The following ABHD2 variants were observed in gnomAD, a reference collection of about 807,000 sequenced individuals.
ABHD2 encodes the protein monoacylglycerol lipase ABHD2.
ABHD2 carries 20 observed loss-of-function variants against 48.1 expected under a neutral mutation model. The observed-to-expected ratio is 0.42, with a 90% CI of 0.29 to 0.60. ABHD2 has a LOEUF of 0.60. ABHD2 is among the 20% of genes least tolerant of loss of function. The pLI, the probability that ABHD2 is intolerant of heterozygous loss-of-function variation, is 0.24. For missense variants in ABHD2, 405 were observed against 550.9 expected (o/e 0.74, Z 2.65); for synonymous variants, 209 against 214.2 (o/e 0.98, Z 0.21).
Position 89,120,118 on chromosome 15 carries a change from G to A in ABHD2, c.194+3597G>A, listed in dbSNP as rs149129392. 5.3e-4 allele frequency among the ~76,000 whole-genome samples: 80 copies of A among 152,300 alleles called. No homozygotes were observed. Among genetic ancestry groups the A allele is most frequent in the African/African-American group, 1.9e-3 (77 of 41,566 alleles). On this transcript the variant is annotated intron_variant, in intron 3 of 10. Coordinates refer to ENST00000352732, the MANE Select transcript of ABHD2 (RefSeq NM_152924.5). This position sits in a 1 kb window ranked among gnomAD's most constrained non-coding sequence, Gnocchi z 4.2. Reference sequence around the variant, plus strand: ...AAAGGTGAACATCGAAAGCATGCTCGAGGAGCAGGGATTACTGTTTTCCCC... The same window carrying A: ...AAAGGTGAACATCGAAAGCATGCTCAAGGAGCAGGGATTACTGTTTTCCCC...
At chr15:89,085,449 C>A (rs147002600), upstream of ABHD2, among the ~76,000 whole-genome samples, 8 of 151,976 alleles carry the variant, frequency 5.3e-5, 1 homozygote, top group East Asian at 1.5e-3. This position sits in a 1 kb window ranked among gnomAD's most constrained non-coding sequence, Gnocchi z 4.2. Context: ...AGACTGCAAG[C>A]AGAAGGGAGG....
chr15:89,069,122 C>T, the ABHD2 span, among the ~76,000 whole-genome samples: 4 of 124,898 alleles, frequency 3.2e-5, no homozygotes, highest in Non-Finnish European at 4.8e-5. Context: ...CTTTTCTTTT[C>T]TTTTTTTTTT....
At position 89,197,926 on chromosome 15, in the gene ABHD2, C is replaced by T. The variant is rs953728455; in HGVS notation, c.*2503C>T. ...TTTGTTCAAGCTTCAGGCTCTTAGG[C>T]ATGGAAATGAGAATGTGACTGTGGC... On this transcript the variant is annotated 3_prime_UTR_variant, in exon 11 of 11. Transcript: ENST00000352732. This position sits in a 1 kb window ranked among gnomAD's most constrained non-coding sequence, Gnocchi z 4.4. 6.6e-6 allele frequency: 1 copy of T among 152,208 alleles called. No homozygotes were observed. Among genetic ancestry groups the T allele is most frequent in the African/African-American group, 2.4e-5 (1 of 41,438 alleles). The allele number at this position is 152,208 out of a possible 1,614,324, so 9.4% of individuals were successfully genotyped here. A position where few individuals can be genotyped will look rare whatever the true frequency, so the allele number is the denominator to read the frequency against.
chr15:89,103,970 A>G (rs982996114), intron 1 of ABHD2: 2 of 152,234 alleles, frequency 1.3e-5, no homozygotes, highest in South Asian at 4.1e-4. Flanking sequence ...ACTTGGTCAC[A>G]GAGGAATCCA....
intron 3 of ABHD2, among the ~76,000 whole-genome samples, chr15:89,128,689 T>G (rs752031656): frequency 6.6e-5 from 10 of 152,152 alleles, no homozygotes; most frequent in South Asian, 2.1e-4. Context: ...ACTGGTCTGG[T>G]CTCTATAGTT....
At chr15:89,150,277 A>G (rs888898143) in intron 3 of ABHD2, among the ~76,000 whole-genome samples, 2 of 152,224 alleles carry the variant, frequency 1.3e-5, no homozygotes, top group Non-Finnish European at 2.9e-5. Context: ...CTCTTCCTCT[A>G]TGCAAAACTT....
Position 89,161,457 on chromosome 15 carries a change from A to G in ABHD2, c.538+5923A>G, listed in dbSNP as rs542940384. Among the ~76,000 whole-genome samples, 4 of 152,152 alleles carry G rather than the reference A, an allele frequency of 2.6e-5. No homozygotes were observed. The South Asian group carries it at 8.3e-4, about 32-fold the overall frequency. ...ACTCTGTTGCCGAGGCTGGAGTGCAATGGTGCAATCTCAGCTCACTGCAAC... is the reference window on the plus strand; with the variant it reads ...ACTCTGTTGCCGAGGCTGGAGTGCAGTGGTGCAATCTCAGCTCACTGCAAC... On this transcript the variant is annotated intron_variant, in intron 5 of 10. Coordinates refer to ENST00000352732, the MANE Select transcript of ABHD2 (RefSeq NM_152924.5).
intron 3 of ABHD2, among the ~76,000 whole-genome samples, chr15:89,127,404 G>T (rs973554246): frequency 7.9e-5 from 12 of 152,034 alleles, no homozygotes; most frequent in Non-Finnish European, 1.6e-4. Flanking sequence ...GGAAGGGAGA[G>T]ATTTGTGAGA....
Position 89,186,372 on chromosome 15 carries a change from C to T in ABHD2, c.815+856C>T, listed in dbSNP as rs966469167. Among the ~76,000 whole-genome samples the T allele has an allele frequency of 6.6e-6, 1 of 152,172 alleles. No homozygotes were observed. Among genetic ancestry groups the T allele is most frequent in the Admixed American group, 6.5e-5 (1 of 15,276 alleles). On this transcript the variant is annotated intron_variant, in intron 7 of 10. Transcript: ENST00000352732. This position sits in a 1 kb window ranked among gnomAD's most constrained non-coding sequence, Gnocchi z 4.3. ...AGCACCAGATAAATATTAGCAATGA[C>T]TTTTTCATTATGATTATTATTATTG...
the ABHD2 span, among the ~76,000 whole-genome samples, chr15:89,052,550 G>C: frequency 0.55 from 58,315 of 106,800 alleles, 12,019 homozygotes; most frequent in African/African-American, 0.61. Context: ...CAGACAGACA[G>C]ACAGACAGAC....
chr15:89,163,453 C>T lies in ABHD2; in HGVS notation c.538+7919C>T, dbSNP rs141972941. Among the ~76,000 whole-genome samples the T allele has an allele frequency of 6.6e-5, 10 of 152,328 alleles. No individual in the cohort carries two copies. The East Asian group carries it at 1.7e-3, about 26-fold the overall frequency. On this transcript the variant is annotated intron_variant, in intron 5 of 10. Transcript: ENST00000352732. ...AATGAGTGCCAGGCATGTGCTTTCA[C>T]GTTACTTCACTTGATCCTTACTGCC... is the stretch of plus-strand genomic sequence containing the variant.
At chr15:89,058,380 T>A in the ABHD2 span, among the ~76,000 whole-genome samples, 1 of 152,154 alleles carries the variant, frequency 6.6e-6, no homozygotes, top group Non-Finnish European at 1.5e-5. Context: ...ACACAGGTAG[T>A]GAGGTCCACT....
In ABHD2 at chr15:89,167,091, G is replaced by T. The variant is rs1349283589; in HGVS notation, c.539-8721G>T. ...TTACCTACCTTTAGCATGCTGTAGAGATCACCCATGATCCAAGACATCTCA... is the reference window on the plus strand; with the variant it reads ...TTACCTACCTTTAGCATGCTGTAGATATCACCCATGATCCAAGACATCTCA... On this transcript the variant is annotated intron_variant, in intron 5 of 10. Transcript: ENST00000352732. The surrounding 1 kb of genome is among the most constrained non-coding windows in gnomAD (Gnocchi z 5.5). Among the ~76,000 whole-genome samples, 1 of 152,206 alleles carries T rather than the reference G, an allele frequency of 6.6e-6. No individual in the cohort carries two copies. The highest frequency in any genetic ancestry group is 1.5e-5 in the Non-Finnish European group (1 of 68,042).
intron 5 of ABHD2, among the ~76,000 whole-genome samples, chr15:89,159,821 C>A (rs1176592721): frequency 1.3e-5 from 2 of 149,122 alleles, no homozygotes; most frequent in East Asian, 3.9e-4. Flanking sequence ...AAGTAAATTT[C>A]TGTAGTTTAT....
At chr15:89,057,125 G>A in the ABHD2 span, among the ~76,000 whole-genome samples, 2 of 152,062 alleles carry the variant, frequency 1.3e-5, no homozygotes, top group Non-Finnish European at 2.9e-5. Context: ...GTGTTAGCAG[G>A]CTGGTCTTGA....
chr15:89,195,741 C>T lies in ABHD2; in HGVS notation c.*318C>T, dbSNP rs1203929406. ...TCTAGTTTCCCTATTAAAAATGTGT[C>T]TGAATAGCGATTTTGCTTTGCCACC... is the stretch of plus-strand genomic sequence containing the variant. On this transcript the variant is annotated 3_prime_UTR_variant, in exon 11 of 11. Transcript: ENST00000352732. This position sits in a 1 kb window ranked among gnomAD's most constrained non-coding sequence, Gnocchi z 5.1. The T allele has an allele frequency of 3.6e-6, 1 of 281,654 alleles. No individual in the cohort carries two copies. Among genetic ancestry groups the T allele is most frequent in the East Asian group, 8.3e-5 (1 of 12,034 alleles). 17.4% of individuals were successfully genotyped at this position (281,654 alleles called of 1,614,324 possible). A position where few individuals can be genotyped will look rare whatever the true frequency, so the allele number is the denominator to read the frequency against.
At chr15:89,163,437 C>T (rs2050791879) in intron 5 of ABHD2, among the ~76,000 whole-genome samples, 1 of 152,224 alleles carries the variant, frequency 6.6e-6, no homozygotes, top group South Asian at 2.1e-4. Context: ...TAATGAGTGC[C>T]AGGCATGTGC....
chr15:89,172,065 A>G (rs2050938371), intron 5 of ABHD2, among the ~76,000 whole-genome samples: 1 of 152,160 alleles, frequency 6.6e-6, no homozygotes, highest in Non-Finnish European at 1.5e-5. Context: ...CTAATGTGCA[A>G]TCAGGTTGAA....
chr15:89,145,505 T>A (rs553027799), intron 3 of ABHD2, among the ~76,000 whole-genome samples: 5 of 152,098 alleles, frequency 3.3e-5, no homozygotes, highest in Non-Finnish European at 7.4e-5. Context: ...GATGGGAACA[T>A]GATGGTTTAA....
Sources: gnomAD v4.1 joint callset for allele counts (sites outside exome capture counted in the v4.1 genomes callset) on GRCh38, gnomAD v4.1.1 for gene constraint, Gnocchi (gnomAD v3.1) non-coding constraint, MANE v1.5 for transcripts, NCBI Gene and HGNC (gene_info 2026-07-23, HGNC 2026-07-21) for gene names.